The following PPARGC1A variants were observed in gnomAD, a reference collection of about 807,000 sequenced individuals.
PPARGC1A encodes the protein peroxisome proliferator-activated receptor gamma coactivator 1-alpha.
Under a neutral mutation model 88.7 loss-of-function variants are expected in PPARGC1A, and 25 were observed. That is an observed-to-expected ratio of 0.28 (90% CI 0.21 to 0.39). The LOEUF (loss-of-function observed/expected upper bound fraction) is 0.39. PPARGC1A is among the 10% of genes least tolerant of loss of function. The pLI is 1.00. For synonymous variants in PPARGC1A, 363 were observed against 355.6 expected, an observed-to-expected ratio of 1.02 and a Z score of -0.24; for missense variants, 880 against 968.7, an observed-to-expected ratio of 0.91 and a Z score of 1.22.
At chr4:23,952,058 G>A in the PPARGC1A span, among the ~76,000 whole-genome samples, 15 of 151,962 alleles carry the variant, frequency 9.9e-5, no homozygotes, top group East Asian at 7.8e-4. Flanking sequence ...TCCTTGTTCC[G>A]ATTGAGGCTA....
chr4:24,388,994 T>G, the PPARGC1A span, among the ~76,000 whole-genome samples: 1 of 152,130 alleles, frequency 6.6e-6, no homozygotes, highest in African/African-American at 2.4e-5. Flanking sequence ...AGAAATACTT[T>G]TCTCTCCAAT....
At chr4:24,371,415 A>G in the PPARGC1A span, among the ~76,000 whole-genome samples, 1 of 152,164 alleles carries the variant, frequency 6.6e-6, no homozygotes, top group Non-Finnish European at 1.5e-5. Flanking sequence ...CACTTCCTAC[A>G]AAACAATCGA....
intron 2 of PPARGC1A, among the ~76,000 whole-genome samples, chr4:23,873,365 G>A (rs528720348): frequency 2.4e-4 from 36 of 152,206 alleles, no homozygotes; most frequent in South Asian, 2.1e-4. Context: ...CAGCTTAAGC[G>A]GGTAATACAG....
chr4:24,385,930 A>T, the PPARGC1A span, among the ~76,000 whole-genome samples: 1 of 152,170 alleles, frequency 6.6e-6, no homozygotes, highest in African/African-American at 2.4e-5. Flanking sequence ...CCTGGCAGAG[A>T]CACAACAAAA....
chr4:24,018,354 T>C, the PPARGC1A span, among the ~76,000 whole-genome samples: 15 of 152,226 alleles, frequency 9.9e-5, no homozygotes, highest in Admixed American at 7.8e-4. Flanking sequence ...CAGTTACTTT[T>C]TCAAATTTCT....
chr4:23,935,144 A>C, the PPARGC1A span, among the ~76,000 whole-genome samples: 3 of 152,200 alleles, frequency 2.0e-5, no homozygotes, highest in East Asian at 5.8e-4. Context: ...CACCTCCCGA[A>C]AGAGCTGCCC....
the PPARGC1A span, among the ~76,000 whole-genome samples, chr4:24,228,216 C>G: frequency 3.9e-5 from 6 of 152,120 alleles, no homozygotes; most frequent in African/African-American, 1.4e-4. Context: ...TATCAGCTCC[C>G]ATAGAAATAA....
chr4:24,317,554 C>CAAAAAAAAAAAAAA, the PPARGC1A span, among the ~76,000 whole-genome samples: 6 of 14,254 alleles, frequency 4.2e-4, no homozygotes, highest in Admixed American at 1.3e-3. Context: ...GTTCAGAGGA[C>CAAAAAAAAAAAAAA]TAAAAAAAAA....
the PPARGC1A span, among the ~76,000 whole-genome samples, chr4:24,310,870 T>A: frequency 6.6e-6 from 1 of 152,020 alleles, no homozygotes. Context: ...GAAATCAACC[T>A]CACAGCTGGC....
the PPARGC1A span, among the ~76,000 whole-genome samples, chr4:24,467,567 T>C: frequency 1.4e-4 from 22 of 152,096 alleles, no homozygotes; most frequent in Admixed American, 4.6e-4. Context: ...AAACACTGAA[T>C]TCTTTATGGT....
the PPARGC1A span, among the ~76,000 whole-genome samples, chr4:24,270,753 G>A: frequency 6.6e-6 from 1 of 152,160 alleles, no homozygotes; most frequent in Non-Finnish European, 1.5e-5. Context: ...TTGGTCAAAC[G>A]ATGGTTTAGT....
the PPARGC1A span, among the ~76,000 whole-genome samples, chr4:24,028,832 A>C: frequency 6.6e-6 from 1 of 152,202 alleles, no homozygotes; most frequent in Non-Finnish European, 1.5e-5. Flanking sequence ...GACATCTGAG[A>C]AAGTTATTTT....
chr4:23,874,873 C>T (rs1173272413), intron 2 of PPARGC1A, among the ~76,000 whole-genome samples: 1 of 152,164 alleles, frequency 6.6e-6, no homozygotes, highest in Non-Finnish European at 1.5e-5. Context: ...TGTTCGCTTC[C>T]ACAAGGACAA....
At chr4:23,934,004 TG>T in the PPARGC1A span, among the ~76,000 whole-genome samples, 1 of 152,182 alleles carries the variant, frequency 6.6e-6, no homozygotes. Context: ...AGGAGATCCC[TG>T]GAAAGAAAAA....
the PPARGC1A span, among the ~76,000 whole-genome samples, chr4:24,225,003 C>T: frequency 6.6e-6 from 1 of 152,080 alleles, no homozygotes; most frequent in South Asian, 2.1e-4. Context: ...AGCAAGGAGC[C>T]CAGTGTCAAT....
chr4:23,964,996 A>G, the PPARGC1A span, among the ~76,000 whole-genome samples: 2 of 152,162 alleles, frequency 1.3e-5, no homozygotes, highest in Admixed American at 1.3e-4. Context: ...GGGGCCATCA[A>G]CTCATTTCTC....
chr4:24,121,977 G>T, the PPARGC1A span, among the ~76,000 whole-genome samples: 6 of 152,094 alleles, frequency 3.9e-5, no homozygotes, highest in Non-Finnish European at 7.4e-5. Flanking sequence ...TGGGAAGAGC[G>T]CGTCACTGAT....
At chr4:23,954,428 T>G in the PPARGC1A span, among the ~76,000 whole-genome samples, 1 of 152,008 alleles carries the variant, frequency 6.6e-6, no homozygotes, top group Non-Finnish European at 1.5e-5. Context: ...ATATACTCTC[T>G]TATATTAAAA....
chr4:24,192,099 T>C, the PPARGC1A span, among the ~76,000 whole-genome samples: 1 of 152,344 alleles, frequency 6.6e-6, no homozygotes, highest in South Asian at 2.1e-4. Flanking sequence ...TATTTTCCTG[T>C]TCTTTCTTTT....
Sources: allele counts gnomAD v4.1 joint callset (sites outside exome capture counted in the v4.1 genomes callset), GRCh38; gene constraint gnomAD v4.1.1; transcripts MANE v1.5; gene names NCBI Gene and HGNC (gene_info 2026-07-23, HGNC 2026-07-21).